Variants in SGPL1 observed in about 807,000 individuals in gnomAD.
SGPL1 encodes SP-lyase 1.
Under a neutral mutation model 68.9 loss-of-function variants are expected in SGPL1, and 37 were observed. The observed-to-expected ratio is 0.54, with a 90% CI of 0.41 to 0.71. The LOEUF (loss-of-function observed/expected upper bound fraction) is 0.71, where lower values mean the gene tolerates loss of function less well. SGPL1 is among the 30% of genes least tolerant of loss of function. The pLI is 0.00. For missense variants in SGPL1, 551 were observed against 704.6 expected (o/e 0.78, Z 2.47); for synonymous variants, 236 against 248.5 (o/e 0.95, Z 0.47).
chr10:70,846,799 A>G (rs905615676), intron 3 of SGPL1, among the ~76,000 whole-genome samples: 1 of 152,240 alleles, frequency 6.6e-6, no homozygotes, highest in African/African-American at 2.4e-5. Context: ...AACATTGTTT[A>G]TATTTATCAT....
chr10:70,869,569 A>G (rs746684717), intron 8 of SGPL1: 1 of 440,890 alleles, frequency 2.3e-6, no homozygotes, highest in Non-Finnish European at 4.1e-6. Flanking sequence ...TCCTCTTCCT[A>G]TTGCCAGAAT....
chr10:70,852,721 TGTGTGTGC>T (rs1174528365), intron 4 of SGPL1, among the ~76,000 whole-genome samples: 11 of 151,398 alleles, frequency 7.3e-5, no homozygotes, highest in South Asian at 4.2e-4. Flanking sequence ...TGTGTGTGTG[TGTGTGTGC>T]GCGCGCACGC....
In SGPL1 at chr10:70,877,203, C is replaced by T. The variant is rs1846405841; in HGVS notation, c.1575C>T (p.Ile525=). 1.2e-6 allele frequency: 2 copies of T among 1,614,036 alleles called. No individual in the cohort carries two copies. The highest frequency in any genetic ancestry group is 1.3e-5 in the African/African-American group (1 of 74,932). Reference sequence around the variant, plus strand: ...TTTCTTTGGATTTGTAGGGTGCCATCTATGGCATGGCCCAGACAACTGTTG... The same window carrying T: ...TTTCTTTGGATTTGTAGGGTGCCATTTATGGCATGGCCCAGACAACTGTTG... ...PKAKTTGMGA[I]YGMAQTTVDR... is the part of the protein sequence containing the mutation. Residue 525 remains isoleucine (I), a synonymous_variant, in exon 15 of 15, where the codon ATC becomes ATT. Coordinates refer to ENST00000373202, the MANE Select transcript of SGPL1 (RefSeq NM_003901.4).
chr10:70,818,264 G>A (rs888981363), intron 2 of SGPL1, among the ~76,000 whole-genome samples: 2 of 152,104 alleles, frequency 1.3e-5, no homozygotes, highest in African/African-American at 4.8e-5. Flanking sequence ...GGGATTATAG[G>A]TGCACACCAC....
At chr10:70,847,288 A>T (rs1445204519) in intron 3 of SGPL1, among the ~76,000 whole-genome samples, 1 of 152,110 alleles carries the variant, frequency 6.6e-6, no homozygotes, top group Non-Finnish European at 1.5e-5. Context: ...AGCTGGGATT[A>T]TAGGTGCCCA....
At chr10:70,871,263 A>AT (rs1381610849) in intron 10 of SGPL1, 117 bp downstream of exon 10, 3 of 634,928 alleles carry the variant, frequency 4.7e-6, no homozygotes, top group Non-Finnish European at 8.2e-6. Context: ...CACAGTAGTG[A>AT]TAAGTAGCTC....
chr10:70,837,090 T>G (rs899693587), intron 2 of SGPL1, among the ~76,000 whole-genome samples: 33 of 151,890 alleles, frequency 2.2e-4, no homozygotes, highest in Non-Finnish European at 4.4e-4. Flanking sequence ...AATGCTTTTT[T>G]TTTTTGAGAC....
chr10:70,863,271 G>A (rs988785337), intron 7 of SGPL1, among the ~76,000 whole-genome samples: 4 of 147,268 alleles, frequency 2.7e-5, no homozygotes, highest in African/African-American at 1.0e-4. Context: ...ACAGGCGTAA[G>A]CCACCACGCT....
chr10:70,821,108 G>T (rs1845331260), intron 2 of SGPL1, among the ~76,000 whole-genome samples: 1 of 152,156 alleles, frequency 6.6e-6, no homozygotes, highest in Admixed American at 6.5e-5. Context: ...TAGTTTGCTT[G>T]CCTTTTTCCA....
intron 4 of SGPL1, among the ~76,000 whole-genome samples, chr10:70,851,456 C>T (rs987528200): frequency 6.6e-6 from 1 of 151,162 alleles, no homozygotes; most frequent in Non-Finnish European, 1.5e-5. Context: ...ACAGGGCAGC[C>T]CCCCCCCACC....
chr10:70,876,415 G>T, intron 13 of SGPL1, 126 bp from the exon 14 acceptor site: 2 of 831,416 alleles, frequency 2.4e-6, no homozygotes, highest in South Asian at 1.8e-5. Flanking sequence ...GGAACAACTT[G>T]GATGACTACA....
At chr10:70,828,416 G>A (rs1200582816) in intron 2 of SGPL1, among the ~76,000 whole-genome samples, 1 of 152,184 alleles carries the variant, frequency 6.6e-6, no homozygotes, top group African/African-American at 2.4e-5. Context: ...TGAACTCTGG[G>A]TCTCTAACCA....
intron 3 of SGPL1, among the ~76,000 whole-genome samples, chr10:70,845,162 T>C (rs1180173352): frequency 2.0e-5 from 3 of 152,130 alleles, no homozygotes; most frequent in Non-Finnish European, 4.4e-5. Flanking sequence ...TTTGGATTTG[T>C]AGTTCACGTA....
At chr10:70,869,694 T>C (rs914751135) in intron 8 of SGPL1, 98 bp from the exon 9 acceptor site, 1 of 892,430 alleles carries the variant, frequency 1.1e-6, no homozygotes, top group Non-Finnish European at 1.7e-6. Context: ...TGGGGAAAAA[T>C]AATCAGAACT....
chr10:70,859,376 T>C lies in SGPL1; in HGVS notation c.492T>C (p.Tyr164=), dbSNP rs746268538. The part of the protein sequence containing the change: ...EKLTELLVKA[Y]GDFAWSNPLH... ...CTGCTTGCATTTTTTTGCAGGCTTA[T>C]GGAGATTTTGCATGGAGTAACCCCC... Residue 164 remains tyrosine, a synonymous_variant, in exon 7 of 15, where the codon TAT becomes TAC. Transcript: ENST00000373202. 5 of 1,506,290 alleles carry C rather than the reference T, an allele frequency of 3.3e-6. No homozygotes were observed. The highest frequency in any genetic ancestry group is 5.1e-5 in the East Asian group (2 of 39,510). The allele number at this position is 1,506,290 out of a possible 1,614,324, so 93.3% of individuals were successfully genotyped here.
At chr10:70,845,105 G>C (rs1232193738) in intron 3 of SGPL1, among the ~76,000 whole-genome samples, 1 of 152,026 alleles carries the variant, frequency 6.6e-6, no homozygotes, top group Non-Finnish European at 1.5e-5. Context: ...GATTGGTCAA[G>C]TTATAACAGG....
At chr10:70,819,767 A>G (rs1229726775) in intron 2 of SGPL1, among the ~76,000 whole-genome samples, 2 of 151,712 alleles carry the variant, frequency 1.3e-5, no homozygotes, top group Admixed American at 1.3e-4. Flanking sequence ...AGTAGCTGGG[A>G]CGACAGGCAC....
chr10:70,877,438 GCACAACT>G lies in SGPL1; in HGVS notation c.*106_*112del. Reference sequence around the variant, plus strand: ...TTGACATCTGGTCTTGCTCCATAGAGCACAACTCAAGATAGACCATGAGACAGCTTGA... The same window carrying G: ...TTGACATCTGGTCTTGCTCCATAGAGCAAGATAGACCATGAGACAGCTTGA... On this transcript the variant is annotated 3_prime_UTR_variant, in exon 15 of 15. Coordinates refer to ENST00000373202, the MANE Select transcript of SGPL1 (RefSeq NM_003901.4). 1 of 1,147,256 alleles carries G rather than the reference GCACAACT, an allele frequency of 8.7e-7. No homozygotes were observed. The highest frequency in any genetic ancestry group is 1.3e-6 in the Non-Finnish European group (1 of 774,834). 71.1% of individuals were successfully genotyped at this position (1,147,256 alleles called of 1,614,324 possible). A position where few individuals can be genotyped will look rare whatever the true frequency, so the allele number is the denominator to read the frequency against.
At chr10:70,872,125 C>T (rs1444844817) in intron 11 of SGPL1, 139 bp downstream of exon 11, 15 of 854,392 alleles carry the variant, frequency 1.8e-5, no homozygotes, top group East Asian at 8.1e-5. Flanking sequence ...CTCTCTTTGC[C>T]GTCACCAGAT....
Sources: gnomAD v4.1 joint callset for allele counts (sites outside exome capture counted in the v4.1 genomes callset) on GRCh38, gnomAD v4.1.1 for gene constraint, MANE v1.5 for transcripts, NCBI Gene and HGNC (gene_info 2026-07-23, HGNC 2026-07-21) for gene names.